Variants in SV2C observed in about 807,000 individuals in gnomAD.
SV2C encodes synaptic vesicle glycoprotein 2C.
A neutral mutation model predicts 79.7 loss-of-function variants in SV2C; 49 were observed. The ratio of observed to expected loss-of-function variants is 0.61; its 90% CI spans 0.49 to 0.78. The LOEUF is 0.78. SV2C is among the 30% of genes least tolerant of loss of function. SV2C has a pLI of 0.00. For missense variants in SV2C, 833 were observed against 912.9 expected, an observed-to-expected ratio of 0.91 and a Z score of 1.13; for synonymous variants, 334 against 333.2, an observed-to-expected ratio of 1.00 and a Z score of -0.03.
chr5:76,242,280 C>G (rs530470423), intron 4 of SV2C: 22 of 1,294,948 alleles, frequency 1.7e-5, no homozygotes, highest in Non-Finnish European at 2.2e-5. Context: ...TCCCCTTCAG[C>G]CTTTCTCTTG....
chr5:75,891,575 A>G, the SV2C span, among the ~76,000 whole-genome samples: 1 of 152,172 alleles, frequency 6.6e-6, no homozygotes. Flanking sequence ...TTCCAATAAC[A>G]TACTTTTGAT....
chr5:76,110,814 C>T (rs1580273468), intron 1 of SV2C, among the ~76,000 whole-genome samples: 1 of 152,308 alleles, frequency 6.6e-6, no homozygotes, highest in East Asian at 1.9e-4. Context: ...GTGTTGCCTG[C>T]TTGCCACAGT....
chr5:76,009,773 T>G, the SV2C span, among the ~76,000 whole-genome samples: 10 of 151,880 alleles, frequency 6.6e-5, no homozygotes, highest in Admixed American at 6.6e-4. Context: ...GAGACGGAGG[T>G]GGGCAAGGGT....
At chr5:76,192,982 G>A (rs1001588133) in intron 2 of SV2C, among the ~76,000 whole-genome samples, 5 of 152,230 alleles carry the variant, frequency 3.3e-5, no homozygotes, top group African/African-American at 1.2e-4. Flanking sequence ...CTTCCCAGAG[G>A]CCACGTGAGA....
intron 4 of SV2C, among the ~76,000 whole-genome samples, chr5:76,212,922 T>C (rs75255492): frequency 5.9e-5 from 9 of 152,294 alleles, no homozygotes; most frequent in African/African-American, 2.2e-4. Context: ...ACACTTAAGA[T>C]ACTTCTTGTT....
At chr5:75,905,051 T>C in the SV2C span, among the ~76,000 whole-genome samples, 1 of 152,318 alleles carries the variant, frequency 6.6e-6, no homozygotes, top group East Asian at 1.9e-4. Flanking sequence ...TCAAAATGTG[T>C]TCCCAGAACT....
intron 1 of SV2C, among the ~76,000 whole-genome samples, chr5:76,120,408 G>A (rs10067608): frequency 0.19 from 28,307 of 146,532 alleles, 2,939 homozygotes; most frequent in East Asian, 0.42. Flanking sequence ...GGGTACATGT[G>A]CACAATGTGC....
intron 4 of SV2C, among the ~76,000 whole-genome samples, chr5:76,243,707 T>C (rs1365392675): frequency 2.0e-5 from 3 of 152,154 alleles, no homozygotes; most frequent in African/African-American, 7.2e-5. Context: ...AGTGTGGTCC[T>C]TCAAAAATCT....
intron 2 of SV2C, among the ~76,000 whole-genome samples, chr5:76,167,904 G>A (rs1743092833): frequency 6.6e-6 from 1 of 152,196 alleles, no homozygotes; most frequent in African/African-American, 2.4e-5. Context: ...AAAGTCAGGA[G>A]CTCAGTATGT....
At chr5:75,910,630 C>A in the SV2C span, 1 of 859,366 alleles carries the variant, frequency 1.2e-6, no homozygotes, top group Non-Finnish European at 2.0e-6. Flanking sequence ...ATGATGGTGC[C>A]CAACATCACC....
At chr5:76,311,491 A>C (rs1748439141) in intron 12 of SV2C, 1 of 152,254 alleles carries the variant, frequency 6.6e-6, no homozygotes, top group Non-Finnish European at 1.5e-5. Flanking sequence ...TTTGAGAAGC[A>C]TTATGAGGAA....
rs546184210 is a variant in SV2C at position 76,239,092 on chromosome 5, C to G, written c.913+29205C>G. Among the ~76,000 whole-genome samples the G allele has an allele frequency of 4.5e-4, 68 of 152,260 alleles. 2 individuals carry two copies. The South Asian group carries it at 0.013, about 30-fold the overall frequency. On this transcript the variant is annotated intron_variant, in intron 4 of 12. Coordinates refer to ENST00000502798, the MANE Select transcript of SV2C (RefSeq NM_014979.4). ...CCTAGGGAATAAATAGTCTTCCCCC[C>G]CACTTCTGTATGTCCTGACACCACA...
chr5:76,287,036 A>G (rs1372564731), intron 6 of SV2C, among the ~76,000 whole-genome samples: 4 of 152,192 alleles, frequency 2.6e-5, no homozygotes, highest in Non-Finnish European at 5.9e-5. Flanking sequence ...AATTTAATGA[A>G]TTATATCATT....
chr5:76,352,803 C>T (rs1749667520), intron 12 of SV2C, among the ~76,000 whole-genome samples: 1 of 152,162 alleles, frequency 6.6e-6, no homozygotes, highest in Admixed American at 6.5e-5. Flanking sequence ...CATAAATACA[C>T]AGGTCTGTAT....
At chr5:76,071,027 C>T in the SV2C span, among the ~76,000 whole-genome samples, 1 of 152,104 alleles carries the variant, frequency 6.6e-6, no homozygotes, top group Non-Finnish European at 1.5e-5. Flanking sequence ...TTTAGGGTAC[C>T]CATTAGTGAT....
At chr5:75,869,126 TC>T in the SV2C span, among the ~76,000 whole-genome samples, 2 of 151,852 alleles carry the variant, frequency 1.3e-5, no homozygotes, top group African/African-American at 4.8e-5. Flanking sequence ...GCTCTTGGGG[TC>T]CCTGATTCTA....
intron 1 of SV2C, among the ~76,000 whole-genome samples, chr5:76,105,001 C>A (rs1377946120): frequency 1.3e-5 from 2 of 152,182 alleles, no homozygotes; most frequent in Non-Finnish European, 2.9e-5. Flanking sequence ...AAGTCATGTT[C>A]TCCCAGAACC....
chr5:76,131,258 G>A (rs1313390567), intron 1 of SV2C, among the ~76,000 whole-genome samples: 1 of 152,156 alleles, frequency 6.6e-6, no homozygotes, highest in African/African-American at 2.4e-5. Context: ...TGCAATATTT[G>A]TACGTGTCTG....
At chr5:76,260,509 TC>T (rs566468659) in intron 4 of SV2C, among the ~76,000 whole-genome samples, 140 of 152,352 alleles carry the variant, frequency 9.2e-4, no homozygotes, top group African/African-American at 3.3e-3. Context: ...AGTCATGAAG[TC>T]TATGCCCATG....
Sources: gnomAD v4.1 joint callset for allele counts (sites outside exome capture counted in the v4.1 genomes callset) on GRCh38, gnomAD v4.1.1 for gene constraint, MANE v1.5 for transcripts, NCBI Gene and HGNC (gene_info 2026-07-23, HGNC 2026-07-21) for gene names.